Variants in SRP54 observed in about 807,000 individuals in gnomAD.
The protein encoded by SRP54 is signal recognition particle subunit SRP54.
A neutral mutation model predicts 64.8 loss-of-function variants in SRP54; 10 were observed. The ratio of observed to expected loss-of-function variants is 0.15; its 90% confidence interval spans 0.10 to 0.26. The LOEUF (loss-of-function observed/expected upper bound fraction) is 0.26. SRP54 is among the 10% of genes least tolerant of loss of function. SRP54 has a pLI of 1.00. For missense variants in SRP54, 325 were observed against 613.7 expected (o/e 0.53, Z 4.97); for synonymous variants, 193 against 185.6 (o/e 1.04, Z -0.32).
chr14:35,018,813 T>G, intron 12 of SRP54, 48 bp downstream of exon 12: 1 of 1,545,822 alleles, frequency 6.5e-7, no homozygotes, highest in Non-Finnish European at 8.8e-7. Context: ...TCATTAAATT[T>G]TCTAAAATAG....
At chr14:35,027,899 A>T in intron 14 of SRP54, 189 bp from the exon 15 acceptor site, 2 of 375,174 alleles carry the variant, frequency 5.3e-6, no homozygotes, top group Non-Finnish European at 9.5e-6. Context: ...GGTCTTCAAA[A>T]AATAGTATGT....
intron 8 of SRP54, 62 bp downstream of exon 8, chr14:35,011,721 G>C: frequency 7.3e-7 from 1 of 1,368,622 alleles, no homozygotes; most frequent in East Asian, 2.4e-5. Context: ...ATAAAACCAG[G>C]TTGAGTATAT....
intron 1 of SRP54, among the ~76,000 whole-genome samples, chr14:34,994,377 C>A (rs1201556475): frequency 6.6e-6 from 1 of 152,154 alleles, no homozygotes; most frequent in African/African-American, 2.4e-5. Flanking sequence ...CTAAATTAGA[C>A]TACATTAGTT....
chr14:35,020,535 C>T (rs2044512552), intron 13 of SRP54, among the ~76,000 whole-genome samples: 1 of 152,172 alleles, frequency 6.6e-6, no homozygotes, highest in Non-Finnish European at 1.5e-5. Context: ...AATATTCTAA[C>T]AATTTGAACA....
Position 35,029,056 on chromosome 14 carries a change from T to C in SRP54, c.1424-5T>C, listed in dbSNP as rs763830292. On this transcript the variant is annotated splice_polypyrimidine_tract_variant and splice_region_variant and intron_variant, in intron 15 of 15. Transcript: ENST00000216774. ...TTTAACTCTACTTCCCTACTTTTGCTCTAGGTGGTATGGCAGGACTTCAGT... is the reference window on the plus strand; with the variant it reads ...TTTAACTCTACTTCCCTACTTTTGCCCTAGGTGGTATGGCAGGACTTCAGT... 6.2e-7 allele frequency: 1 copy of C among 1,612,530 alleles called. No individual in the cohort carries two copies.
intron 10 of SRP54, 131 bp downstream of exon 10, chr14:35,014,033 T>C: frequency 1.5e-6 from 1 of 653,786 alleles, no homozygotes; most frequent in Non-Finnish European, 2.6e-6. Flanking sequence ...TTTCCTTACC[T>C]GTAAAATAGA....
chr14:35,029,259 A>G lies in SRP54; in HGVS notation c.*107A>G, dbSNP rs1437021171. The G allele has an allele frequency of 1.4e-6, 1 of 726,282 alleles. No homozygotes were observed. Among genetic ancestry groups the G allele is most frequent in the African/African-American group, 1.8e-5 (1 of 54,798 alleles). 45.0% of individuals were successfully genotyped at this position (726,282 alleles called of 1,614,324 possible). A position where few individuals can be genotyped will look rare whatever the true frequency, so the allele number is the denominator to read the frequency against. ...GGGGGAAAGTGTATTTTTCTTGCTTATCATGCACTCTTTCCTTTTCTTCTC... is the reference window on the plus strand; with the variant it reads ...GGGGGAAAGTGTATTTTTCTTGCTTGTCATGCACTCTTTCCTTTTCTTCTC... On this transcript the variant is annotated 3_prime_UTR_variant, in exon 16 of 16. Transcript: ENST00000216774.
In SRP54 at chr14:35,008,764, T is replaced by C. The variant is rs772182003; in HGVS notation, c.428-10T>C. ...CAAGTTTGAGGATTCATGAACTCTT[T>C]ATCTTCCAGGGGCTTTTGACCAACT... On this transcript the variant is annotated splice_polypyrimidine_tract_variant and intron_variant, in intron 6 of 15. Transcript: ENST00000216774. 17 of 1,607,746 alleles carry C rather than the reference T, an allele frequency of 1.1e-5. No individual in the cohort carries two copies. Among genetic ancestry groups the C allele is most frequent in the Non-Finnish European group, 1.4e-5 (17 of 1,178,318 alleles).
chr14:35,002,770 G>A (rs1388182487), intron 4 of SRP54, among the ~76,000 whole-genome samples: 2 of 120,664 alleles, frequency 1.7e-5, no homozygotes, highest in African/African-American at 6.4e-5. Flanking sequence ...TTAAGAGACA[G>A]TCTGACTCTG....
chr14:35,019,863 A>G (rs537824560), intron 13 of SRP54, among the ~76,000 whole-genome samples: 6 of 152,332 alleles, frequency 3.9e-5, no homozygotes, highest in African/African-American at 1.2e-4. Flanking sequence ...CTAAAAAACA[A>G]TGTATATACC....
intron 11 of SRP54, among the ~76,000 whole-genome samples, chr14:35,018,471 A>T (rs2044477542): frequency 6.6e-6 from 1 of 152,188 alleles, no homozygotes; most frequent in Non-Finnish European, 1.5e-5. Flanking sequence ...GTCTTCTCAG[A>T]TAGAATGTAA....
intron 2 of SRP54, among the ~76,000 whole-genome samples, chr14:34,999,006 TG>T (rs57684036): frequency 1.7e-4 from 15 of 89,428 alleles, no homozygotes; most frequent in Non-Finnish European, 3.1e-4. Flanking sequence ...TGTGTGTGTG[TG>T]TGTGTGGTTT....
intron 1 of SRP54, among the ~76,000 whole-genome samples, chr14:34,986,875 C>CAAA (rs544431921): frequency 7.7e-5 from 10 of 129,414 alleles, no homozygotes; most frequent in South Asian, 2.4e-4. Context: ...GACTCTGTCT[C>CAAA]AAAAAAAAAA....
At chr14:34,998,586 C>T (rs575324319) in intron 2 of SRP54, among the ~76,000 whole-genome samples, 10 of 151,890 alleles carry the variant, frequency 6.6e-5, no homozygotes, top group East Asian at 1.9e-4. Context: ...CTGAGGCGGG[C>T]GGATCACCTG....
At chr14:35,006,372 G>A (rs1342577519) in intron 4 of SRP54, among the ~76,000 whole-genome samples, 1 of 152,096 alleles carries the variant, frequency 6.6e-6, no homozygotes, top group Non-Finnish European at 1.5e-5. Context: ...TAGCACTCTC[G>A]AGTATGGCAT....
At chr14:34,987,889 T>A (rs2043923002) in intron 1 of SRP54, among the ~76,000 whole-genome samples, 1 of 152,214 alleles carries the variant, frequency 6.6e-6, no homozygotes, top group Non-Finnish European at 1.5e-5. Context: ...CCTTTTGCAT[T>A]TAAGCCTGTT....
chr14:34,989,820 G>A (rs1032627445), intron 1 of SRP54, among the ~76,000 whole-genome samples: 17 of 152,086 alleles, frequency 1.1e-4, no homozygotes, highest in African/African-American at 4.1e-4. Flanking sequence ...TAATATGCTA[G>A]GTTTTTGAAG....
intron 1 of SRP54, among the ~76,000 whole-genome samples, chr14:34,987,275 G>T (rs61989478): frequency 7.6e-6 from 1 of 131,498 alleles, no homozygotes; most frequent in Admixed American, 8.1e-5. Flanking sequence ...GTGTGTGTGT[G>T]TATATATATA....
At chr14:34,992,213 G>T (rs376574373) in intron 1 of SRP54, among the ~76,000 whole-genome samples, 1 of 152,112 alleles carries the variant, frequency 6.6e-6, no homozygotes, top group African/African-American at 2.4e-5. Context: ...GATTACAGGC[G>T]TGAGCCACTG....
Sources: allele counts gnomAD v4.1 joint callset (sites outside exome capture counted in the v4.1 genomes callset), GRCh38; gene constraint gnomAD v4.1.1; transcripts MANE v1.5; gene names NCBI Gene and HGNC (gene_info 2026-07-23, HGNC 2026-07-21).